The following GRM7 variants were observed in gnomAD, a reference collection of about 807,000 sequenced individuals.
GRM7 encodes glutamate metabotropic receptor 7.
GRM7 carries 35 observed loss-of-function variants against 84.5 expected under a neutral mutation model. That is an observed-to-expected ratio of 0.41 (90% CI 0.32 to 0.55). The LOEUF is 0.55. GRM7 is among the 20% of genes least tolerant of loss of function. The pLI is 0.19. For synonymous variants in GRM7, 487 were observed against 455.1 expected (o/e 1.07, Z -0.89); for missense variants, 1,003 against 1,194.6 (o/e 0.84, Z 2.36).
intron 1 of GRM7, among the ~76,000 whole-genome samples, chr3:6,957,843 A>G (rs537239670): frequency 7.4e-4 from 112 of 152,336 alleles, no homozygotes; most frequent in African/African-American, 2.4e-3. Flanking sequence ...AATCCAGAGG[A>G]AAGACATTAT....
intron 2 of GRM7, among the ~76,000 whole-genome samples, chr3:7,268,465 G>A (rs1022912577): frequency 2.6e-5 from 4 of 151,814 alleles, no homozygotes; most frequent in Admixed American, 6.6e-5. Flanking sequence ...TAAAAAAAAA[G>A]GACACATTTA....
chr3:7,556,351 C>A (rs145611148), intron 7 of GRM7, among the ~76,000 whole-genome samples: 1 of 152,160 alleles, frequency 6.6e-6, no homozygotes, highest in African/African-American at 2.4e-5. Flanking sequence ...CCATAGTAAC[C>A]TCTATGTTTT....
chr3:7,276,815 G>T, intron 2 of GRM7, among the ~76,000 whole-genome samples: 2 of 14 alleles, frequency 0.14, 1 homozygote, highest in African/African-American at 0.5. Context: ...TTTTGGTGGT[G>T]GCATGTTGTT....
At chr3:7,708,806 G>T (rs980233901) in intron 9 of GRM7, among the ~76,000 whole-genome samples, 3 of 152,046 alleles carry the variant, frequency 2.0e-5, no homozygotes, top group African/African-American at 7.2e-5. Flanking sequence ...ATGTGAGTTG[G>T]CTTGGGGTTA....
chr3:7,018,012 A>C (rs1695638561), intron 1 of GRM7, among the ~76,000 whole-genome samples: 1 of 152,230 alleles, frequency 6.6e-6, no homozygotes, highest in South Asian at 2.1e-4. Flanking sequence ...TATTCCATAA[A>C]GTTGAAGAAA....
chr3:7,028,123 T>G (rs1446843515), intron 1 of GRM7, among the ~76,000 whole-genome samples: 1 of 152,164 alleles, frequency 6.6e-6, no homozygotes, highest in African/African-American at 2.4e-5. Flanking sequence ...AACATTGTCT[T>G]TTTCACCAGT....
chr3:7,278,700 C>T (rs1699157107), intron 2 of GRM7, among the ~76,000 whole-genome samples: 1 of 152,086 alleles, frequency 6.6e-6, no homozygotes, highest in South Asian at 2.1e-4. Flanking sequence ...AGAAGACAAG[C>T]ATATGAGCAA....
chr3:7,142,787 C>G (rs1462956419), intron 1 of GRM7, among the ~76,000 whole-genome samples: 2 of 152,024 alleles, frequency 1.3e-5, no homozygotes, highest in African/African-American at 2.4e-5. Context: ...TTATAAATAG[C>G]ATATGTTGTT....
chr3:7,407,810 C>G (rs1695746927), intron 4 of GRM7, among the ~76,000 whole-genome samples: 1 of 152,202 alleles, frequency 6.6e-6, no homozygotes, highest in Non-Finnish European at 1.5e-5. Flanking sequence ...TCAGGTCTAT[C>G]TGACTGCAAA....
At chr3:7,253,579 T>A (rs1185084942) in intron 2 of GRM7, among the ~76,000 whole-genome samples, 1 of 142,008 alleles carries the variant, frequency 7.0e-6, no homozygotes, top group Non-Finnish European at 1.5e-5. Context: ...ATCGTGCCAC[T>A]GCACTCCAGC....
chr3:7,050,975 T>G (rs140697270), intron 1 of GRM7, among the ~76,000 whole-genome samples: 1 of 151,906 alleles, frequency 6.6e-6, no homozygotes, highest in Non-Finnish European at 1.5e-5. Flanking sequence ...TCCACAGGAC[T>G]GTGAGTAACA....
At chr3:7,271,513 C>A (rs1381894037) in intron 2 of GRM7, among the ~76,000 whole-genome samples, 1 of 141,896 alleles carries the variant, frequency 7.0e-6, no homozygotes, top group East Asian at 2.1e-4. Flanking sequence ...GAGCTGAAAT[C>A]GCGTCATTGC....
chr3:7,469,575 C>G (rs144705264), intron 7 of GRM7, among the ~76,000 whole-genome samples: 1 of 151,934 alleles, frequency 6.6e-6, no homozygotes. Flanking sequence ...CATCTGCCAC[C>G]TACTTCTCTA....
intron 5 of GRM7, among the ~76,000 whole-genome samples, chr3:7,443,839 A>G (rs1211724774): frequency 6.6e-6 from 1 of 152,198 alleles, no homozygotes; most frequent in Non-Finnish European, 1.5e-5. Flanking sequence ...GGGCAAGACT[A>G]CAAGGTGACA....
intron 7 of GRM7, among the ~76,000 whole-genome samples, chr3:7,465,258 G>A (rs1426883215): frequency 6.6e-6 from 1 of 152,054 alleles, no homozygotes; most frequent in Non-Finnish European, 1.5e-5. Flanking sequence ...GTATTGCATG[G>A]GACCTAAAAG....
intron 6 of GRM7, among the ~76,000 whole-genome samples, chr3:7,454,210 A>G (rs1388304090): frequency 6.6e-6 from 1 of 152,028 alleles, no homozygotes; most frequent in Non-Finnish European, 1.5e-5. Context: ...AGTTTTAAAC[A>G]TATTTCTCAA....
At chr3:7,095,389 T>A (rs1406558282) in intron 1 of GRM7, among the ~76,000 whole-genome samples, 1 of 152,130 alleles carries the variant, frequency 6.6e-6, no homozygotes, top group African/African-American at 2.4e-5. Context: ...AGTGAGCAAT[T>A]CATCACTTAA....
chr3:6,978,337 C>G (rs1030711444), intron 1 of GRM7, among the ~76,000 whole-genome samples: 1 of 152,142 alleles, frequency 6.6e-6, no homozygotes, highest in Non-Finnish European at 1.5e-5. Context: ...ATGCCCCCAA[C>G]ACCTTGATTA....
At chr3:7,698,341 C>T (rs1701099821) in intron 9 of GRM7, among the ~76,000 whole-genome samples, 1 of 152,154 alleles carries the variant, frequency 6.6e-6, no homozygotes, top group African/African-American at 2.4e-5. Context: ...CATGCACCAG[C>T]CACTATTCTG....
Sources: allele counts gnomAD v4.1 joint callset (sites outside exome capture counted in the v4.1 genomes callset), GRCh38; gene constraint gnomAD v4.1.1; transcripts MANE v1.5; gene names NCBI Gene and HGNC (gene_info 2026-07-23, HGNC 2026-07-21).